CLASP2: variants seen among roughly 807,000 people sequenced by gnomAD.
The protein encoded by CLASP2 is CLIP-associating protein 2.
A neutral mutation model predicts 194.4 loss-of-function variants in CLASP2; 47 were observed. The ratio of observed to expected loss-of-function variants is 0.24; its 90% confidence interval spans 0.19 to 0.31. CLASP2 has a LOEUF of 0.31. CLASP2 is among the 10% of genes least tolerant of loss of function. The pLI is 1.00. For missense variants in CLASP2, 1,445 were observed against 1,823.6 expected, an observed-to-expected ratio of 0.79 and a Z score of 3.78; for synonymous variants, 619 against 633.5, an observed-to-expected ratio of 0.98 and a Z score of 0.34.
intron 8 of CLASP2, among the ~76,000 whole-genome samples, chr3:33,641,454 G>A (rs1171729843): frequency 6.6e-6 from 1 of 151,770 alleles, no homozygotes; most frequent in Non-Finnish European, 1.5e-5. Context: ...TTATAGCAAT[G>A]ATACATATAC....
intron 1 of CLASP2, among the ~76,000 whole-genome samples, chr3:33,708,533 T>TAC (rs2092830718): frequency 2.4e-4 from 8 of 33,404 alleles, no homozygotes; most frequent in Admixed American, 2.4e-3. Flanking sequence ...TGTATATATA[T>TAC]ATGTATATAT....
intron 6 of CLASP2, among the ~76,000 whole-genome samples, chr3:33,671,133 C>G (rs900877940): frequency 1.3e-5 from 2 of 152,064 alleles, no homozygotes; most frequent in African/African-American, 4.8e-5. Flanking sequence ...TCTAGCTAGC[C>G]ATTCTGTCCC....
rs774386519 is a variant in CLASP2 at position 33,606,730 on chromosome 3, G to C, written c.1555C>G (p.Pro519Ala). 4 of 1,612,582 alleles carry C rather than the reference G, an allele frequency of 2.5e-6. No individual in the cohort carries two copies. The change falls in exon 16 of 39, where the codon CCT (proline) becomes GCT (alanine). Residue 519 changes from proline to alanine, a missense_variant. This residue lies in a region of CLASP2 where 207 missense variants were observed against 331.4 expected (regional missense o/e 0.62). Transcript: ENST00000682230. ...TTATATAATGTTTCAGCTTCACCAG[G>C]AAAGTGGTTTCTAAGACCCATGTAT... ...KTYMGLRNHFPGEAETLYNSL... is the reference protein window; with the variant it reads ...KTYMGLRNHFAGEAETLYNSL...
intron 37 of CLASP2, chr3:33,502,632 A>G (rs898890642): frequency 6.6e-6 from 1 of 152,160 alleles, no homozygotes; most frequent in Non-Finnish European, 1.5e-5. Context: ...CTCTATTTCA[A>G]TACTCTACAG....
At chr3:33,609,766 C>T (rs1038202113) in intron 13 of CLASP2, among the ~76,000 whole-genome samples, 1 of 152,146 alleles carries the variant, frequency 6.6e-6, no homozygotes, top group Non-Finnish European at 1.5e-5. Context: ...GTCAAAGTTC[C>T]AACTGGTTTA....
chr3:33,665,030 G>C (rs2154334717), intron 6 of CLASP2, among the ~76,000 whole-genome samples: 1 of 151,884 alleles, frequency 6.6e-6, no homozygotes, highest in South Asian at 2.1e-4. Context: ...GAACCTGGGA[G>C]ACAGAAGTTG....
At chr3:33,715,999 T>C (rs968359754) in intron 1 of CLASP2, among the ~76,000 whole-genome samples, 1 of 152,014 alleles carries the variant, frequency 6.6e-6, no homozygotes, top group Middle Eastern at 3.4e-3. Flanking sequence ...GAAGAACTAG[T>C]GATTTAGGAA....
intron 7 of CLASP2, chr3:33,659,104 G>A (rs893723142): frequency 4.1e-6 from 6 of 1,479,862 alleles, no homozygotes; most frequent in Non-Finnish European, 5.4e-6. Context: ...CCGGAGCACT[G>A]TGTGACCCAG....
chr3:33,622,260 C>T lies in CLASP2; in HGVS notation c.1056G>A (p.Leu352=). Residue 352 remains leucine, a synonymous_variant, in exon 11 of 39, where the codon CTG becomes CTA. Coordinates refer to ENST00000682230, the MANE Select transcript of CLASP2 (RefSeq NM_001365631.1). ...CATACTGTGCAGCTCCAGCAACAAG[C>T]AGTGATCGAATTTTCTTCAGCTGAA... The part of the protein sequence containing the change: ...RANALKKIRS[L]LVAGAAQYDC... The T allele has an allele frequency of 6.7e-7, 1 of 1,500,200 alleles. No individual in the cohort carries two copies. Among genetic ancestry groups the T allele is most frequent in the Non-Finnish European group, 8.9e-7 (1 of 1,122,886 alleles). The allele number at this position is 1,500,200 out of a possible 1,614,324, so 92.9% of individuals were successfully genotyped here. A position where few individuals can be genotyped will look rare whatever the true frequency, so the allele number is the denominator to read the frequency against.
chr3:33,690,348 AT>A (rs1304216673), intron 2 of CLASP2, among the ~76,000 whole-genome samples: 1 of 152,130 alleles, frequency 6.6e-6, no homozygotes, highest in Non-Finnish European at 1.5e-5. Flanking sequence ...CCAAATGTCT[AT>A]TTTTTAGACA....
At chr3:33,683,735 A>G (rs1212498157) in intron 6 of CLASP2, 1 of 152,550 alleles carries the variant, frequency 6.6e-6, no homozygotes, top group Non-Finnish European at 1.5e-5. Context: ...TGAGGTCAGG[A>G]GTTCGAGACC....
chr3:33,596,706 CT>C lies in CLASP2; in HGVS notation c.1948+4del. 1 of 1,565,910 alleles carries C rather than the reference CT, an allele frequency of 6.4e-7. No individual in the cohort carries two copies. The highest frequency in any genetic ancestry group is 8.7e-7 in the Non-Finnish European group (1 of 1,152,828). ...TTTAGTAGAATTAGGAAAGGAAGTT[CT>C]TACCATCCAGCTTGTCAGAAGTATC... On this transcript the variant is annotated splice_donor_region_variant and intron_variant, in intron 19 of 38. Coordinates refer to ENST00000682230, the MANE Select transcript of CLASP2 (RefSeq NM_001365631.1).
In CLASP2 at chr3:33,588,768, A is replaced by G. The variant is rs542675353; in HGVS notation, c.2068+3627T>C. The stretch of plus-strand genomic sequence containing the variant: ...TAAAGGCAGAATTAGGGTAAGGATT[A>G]TAATCCATGAAGAGGGAAGGAGCAG... On this transcript the variant is annotated intron_variant, in intron 21 of 38. Coordinates refer to ENST00000682230, the MANE Select transcript of CLASP2 (RefSeq NM_001365631.1). 33 of 701,712 alleles carry G rather than the reference A, an allele frequency of 4.7e-5. No homozygotes were observed. In the African/African-American group the frequency reaches 5.1e-4, roughly 11 times the overall value. The allele number at this position is 701,712 out of a possible 1,614,324, so 43.5% of individuals were successfully genotyped here.
rs988992006 is a variant in CLASP2, at chr3:33,584,928, C to A, written c.2069-8G>T. The A allele has an allele frequency of 4.4e-6, 7 of 1,600,498 alleles. No homozygotes were observed. Among genetic ancestry groups the A allele is most frequent in the Non-Finnish European group, 6.0e-6 (7 of 1,174,856 alleles). Reference sequence around the variant, plus strand: ...ACCCAGACCGGCTACCAGCTGAACACCAAACACATATACAAATGTTAACAT... The same window carrying A: ...ACCCAGACCGGCTACCAGCTGAACAACAAACACATATACAAATGTTAACAT... On this transcript the variant is annotated splice_polypyrimidine_tract_variant and splice_region_variant and intron_variant, in intron 21 of 38. Transcript: ENST00000682230.
At chr3:33,545,552 C>G (rs2059026550) in intron 30 of CLASP2, among the ~76,000 whole-genome samples, 2 of 152,142 alleles carry the variant, frequency 1.3e-5, no homozygotes, top group Admixed American at 1.3e-4. Flanking sequence ...ACAACACAAT[C>G]TTGGAAGATG....
rs1577129049 is a variant in CLASP2 at position 33,608,433 on chromosome 3, A to G, written c.1448+134T>C. 12 of 718,086 alleles carry G rather than the reference A, an allele frequency of 1.7e-5. No individual in the cohort carries two copies. In the South Asian group the frequency reaches 2.1e-4, roughly 12 times the overall value. 44.5% of individuals were successfully genotyped at this position (718,086 alleles called of 1,614,324 possible). The stretch of plus-strand genomic sequence containing the variant: ...TGAGTAAGAGGAGCACAACACCACC[A>G]CAGCTTTAAAGGAAAACCAGTACAA... On this transcript the variant is annotated intron_variant, in intron 14 of 38. Coordinates refer to ENST00000682230, the MANE Select transcript of CLASP2 (RefSeq NM_001365631.1).
In CLASP2 at chr3:33,608,458, A is replaced by T. The variant is rs2074371232; in HGVS notation, c.1448+109T>A. The stretch of plus-strand genomic sequence containing the variant: ...ACAGCTTTAAAGGAAAACCAGTACA[A>T]ATAACCTTTGAAGCAAAATGAGAAA... On this transcript the variant is annotated intron_variant, in intron 14 of 38. Coordinates refer to ENST00000682230, the MANE Select transcript of CLASP2 (RefSeq NM_001365631.1). 1.5e-5 allele frequency: 13 copies of T among 871,482 alleles called. No individual in the cohort carries two copies. The Admixed American group carries it at 3.3e-4, about 22-fold the overall frequency. The allele number at this position is 871,482 out of a possible 1,614,324, so 54.0% of individuals were successfully genotyped here.
At chr3:33,608,484 T>C in intron 14 of CLASP2, 83 bp downstream of exon 14, 1 of 1,086,138 alleles carries the variant, frequency 9.2e-7, no homozygotes. Flanking sequence ...AAATGAGAAA[T>C]AATGTAAAAC....
chr3:33,673,401 T>C (rs111845022), intron 6 of CLASP2, among the ~76,000 whole-genome samples: 2,404 of 152,242 alleles, frequency 0.016, 19 homozygotes, highest in South Asian at 0.032. Context: ...CTGAGAGATT[T>C]TGTCACCACC....
Sources: allele counts gnomAD v4.1 joint callset (sites outside exome capture counted in the v4.1 genomes callset), GRCh38; gene constraint gnomAD v4.1.1; regional missense constraint gnomAD v4.1.1; transcripts MANE v1.5; gene names NCBI Gene and HGNC (gene_info 2026-07-23, HGNC 2026-07-21).